Variants in DMXL2 observed in about 807,000 individuals in gnomAD.
DMXL2 encodes Dmx like 2.
In DMXL2, 103 loss-of-function variants were observed where a neutral mutation model predicts 331.1. The observed-to-expected ratio is 0.31, with a 90% CI of 0.27 to 0.37. DMXL2 has a LOEUF of 0.37. Among genes scored for constraint, DMXL2 ranks in the 10% least tolerant of loss-of-function variants. The pLI, the probability that DMXL2 is intolerant of heterozygous loss-of-function variation, is 1.00. For missense variants in DMXL2, 3,171 were observed against 3,642.9 expected (o/e 0.87, Z 3.33); for synonymous variants, 1,281 against 1,252.1 (o/e 1.02, Z -0.49).
chr15:51,532,801 G>T (rs905337702), intron 13 of DMXL2, among the ~76,000 whole-genome samples: 1 of 152,060 alleles, frequency 6.6e-6, no homozygotes, highest in African/African-American at 2.4e-5. Context: ...ACATGGAGTT[G>T]GAAGTTTTAG....
intron 6 of DMXL2, among the ~76,000 whole-genome samples, chr15:51,559,522 T>C (rs2049816226): frequency 6.6e-6 from 1 of 151,938 alleles, no homozygotes; most frequent in South Asian, 2.1e-4. Context: ...CAAAACCAGC[T>C]TGGGCAACAT....
At chr15:51,616,002 G>A (rs1380498763) in intron 1 of DMXL2, among the ~76,000 whole-genome samples, 2 of 152,066 alleles carry the variant, frequency 1.3e-5, no homozygotes, top group Non-Finnish European at 2.9e-5. Context: ...GATTTAGTAC[G>A]AACCAATGGG....
intron 2 of DMXL2, among the ~76,000 whole-genome samples, chr15:51,570,061 T>C (rs1338551747): frequency 2.0e-5 from 3 of 152,080 alleles, no homozygotes; most frequent in Admixed American, 6.6e-5. Context: ...GTTAGACAAA[T>C]TGCTAATGAG....
intron 4 of DMXL2, 39 bp downstream of exon 4, chr15:51,565,049 T>C (rs2050184799): frequency 8.7e-7 from 1 of 1,147,114 alleles, no homozygotes; most frequent in South Asian, 1.9e-5. Context: ...TTAAAACAAA[T>C]ATTTAATTTA....
At chr15:51,610,259 G>A (rs534160092) in intron 1 of DMXL2, among the ~76,000 whole-genome samples, 1 of 152,092 alleles carries the variant, frequency 6.6e-6, no homozygotes, top group South Asian at 2.1e-4. Flanking sequence ...AAACTTGTAA[G>A]CACAAATAAA....
At chr15:51,521,351 G>C (rs1032170090) in intron 13 of DMXL2, among the ~76,000 whole-genome samples, 6 of 151,476 alleles carry the variant, frequency 4.0e-5, no homozygotes, top group Admixed American at 6.6e-5. Flanking sequence ...GGTTAAGTGA[G>C]TTAATATATA....
chr15:51,454,168 G>T (rs556894242), intron 40 of DMXL2: 7 of 152,680 alleles, frequency 4.6e-5, no homozygotes, highest in African/African-American at 1.2e-4. Context: ...TAATTTAAGA[G>T]AATTATCTTA....
chr15:51,483,414 G>A (rs1020270261), intron 23 of DMXL2, among the ~76,000 whole-genome samples: 1 of 152,182 alleles, frequency 6.6e-6, no homozygotes, highest in South Asian at 2.1e-4. Context: ...CTAGGACCAT[G>A]ACTGGCTATG....
At chr15:51,609,485 T>C (rs2053811504) in intron 1 of DMXL2, among the ~76,000 whole-genome samples, 1 of 152,242 alleles carries the variant, frequency 6.6e-6, no homozygotes, top group African/African-American at 2.4e-5. Flanking sequence ...ATTTTCACTG[T>C]ACCTTTTCTA....
chr15:51,521,458 A>AGTG (rs1294869575), intron 13 of DMXL2, among the ~76,000 whole-genome samples: 18 of 146,586 alleles, frequency 1.2e-4, no homozygotes, highest in South Asian at 2.1e-4. Context: ...TAGTAGTAGT[A>AGTG]GTAGTGGTAG....
chr15:51,514,284 C>T (rs1394767889), intron 15 of DMXL2, among the ~76,000 whole-genome samples, 158 bp downstream of exon 15: 1 of 152,104 alleles, frequency 6.6e-6, no homozygotes, highest in East Asian at 1.9e-4. Flanking sequence ...TCACCCACAG[C>T]CCTCTTCATC....
intron 32 of DMXL2, among the ~76,000 whole-genome samples, chr15:51,463,936 C>CA (rs576205773): frequency 1.5e-4 from 22 of 145,076 alleles, no homozygotes; most frequent in African/African-American, 2.5e-4. Context: ...TCCACTACCT[C>CA]AAAAAAAAAA....
intron 27 of DMXL2, among the ~76,000 whole-genome samples, chr15:51,474,996 C>T (rs2041446732): frequency 6.6e-6 from 1 of 151,834 alleles, no homozygotes; most frequent in Admixed American, 6.6e-5. Context: ...TAACTCTTCA[C>T]AAGATACTGA....
At chr15:51,506,305 G>A (rs891407826) in intron 16 of DMXL2, among the ~76,000 whole-genome samples, 7 of 152,008 alleles carry the variant, frequency 4.6e-5, no homozygotes, top group African/African-American at 9.7e-5. Flanking sequence ...TCAAGCAATC[G>A]TCCTGCCCTA....
intron 25 of DMXL2, among the ~76,000 whole-genome samples, chr15:51,479,333 A>G (rs2041837267): frequency 2.0e-5 from 3 of 152,236 alleles, no homozygotes; most frequent in African/African-American, 7.2e-5. Flanking sequence ...AAAGCATAGC[A>G]CAAATACACT....
At chr15:51,564,956 A>C (rs1024820871) in intron 4 of DMXL2, 132 bp downstream of exon 4, 1 of 550,740 alleles carries the variant, frequency 1.8e-6, no homozygotes, top group Non-Finnish European at 2.9e-6. Context: ...AGAAGGAAAA[A>C]TTATATTCAT....
At chr15:51,608,938 T>C (rs951066953) in intron 1 of DMXL2, among the ~76,000 whole-genome samples, 31 of 152,288 alleles carry the variant, frequency 2.0e-4, no homozygotes, top group African/African-American at 7.2e-4. Context: ...TAAGTAAGCA[T>C]TGACTCTGTA....
intron 19 of DMXL2, among the ~76,000 whole-genome samples, 161 bp downstream of exon 19, chr15:51,494,863 T>A (rs919409835): frequency 6.6e-6 from 1 of 152,124 alleles, no homozygotes; most frequent in Admixed American, 6.6e-5. Flanking sequence ...GAAGGATACA[T>A]AGAAAAATGG....
intron 1 of DMXL2, among the ~76,000 whole-genome samples, chr15:51,579,237 C>T (rs745499527): frequency 5.3e-5 from 8 of 152,162 alleles, no homozygotes; most frequent in African/African-American, 1.2e-4. Context: ...ACCAGAGTTA[C>T]GCAATGCCTA....
Sources: allele counts gnomAD v4.1 joint callset (sites outside exome capture counted in the v4.1 genomes callset), GRCh38; gene constraint gnomAD v4.1.1; transcripts MANE v1.5; gene names NCBI Gene and HGNC (gene_info 2026-07-23, HGNC 2026-07-21).